Variants in GRIK2 observed in about 807,000 individuals in gnomAD.
The protein encoded by GRIK2 is glutamate ionotropic receptor kainate type subunit 2.
GRIK2 carries 32 observed loss-of-function variants against 100.3 expected under a neutral mutation model. The ratio of observed to expected loss-of-function variants is 0.32; its 90% confidence interval spans 0.24 to 0.43. The LOEUF (loss-of-function observed/expected upper bound fraction) is 0.43, where lower values mean the gene tolerates loss of function less well. Ranked by LOEUF, GRIK2 falls within the 20% of genes least tolerant of loss-of-function variation. The pLI, the probability that GRIK2 is intolerant of heterozygous loss-of-function variation, is 1.00. For synonymous variants in GRIK2, 417 were observed against 389.4 expected (o/e 1.07, Z -0.83); for missense variants, 843 against 1,114.9 (o/e 0.76, Z 3.47).
intron 11 of GRIK2, among the ~76,000 whole-genome samples, chr6:101,875,140 G>A (rs1785734216): frequency 6.6e-6 from 1 of 152,058 alleles, no homozygotes; most frequent in African/African-American, 2.4e-5. Context: ...ATGTTGAATA[G>A]GAGTGGTGAG....
At chr6:101,732,805 T>G (rs1775367816) in intron 7 of GRIK2, among the ~76,000 whole-genome samples, 1 of 152,020 alleles carries the variant, frequency 6.6e-6, no homozygotes, top group African/African-American at 2.4e-5. Context: ...TGATCTGCCC[T>G]ATGCAGACTC....
intron 7 of GRIK2, among the ~76,000 whole-genome samples, chr6:101,749,825 TTG>T (rs199682657): frequency 7.2e-6 from 1 of 138,024 alleles, no homozygotes; most frequent in Non-Finnish European, 1.5e-5. Flanking sequence ...TTTTTTTTTT[TTG>T]TGTGAGACAG....
chr6:101,659,691 G>A (rs1769464736), intron 4 of GRIK2, among the ~76,000 whole-genome samples: 2 of 152,106 alleles, frequency 1.3e-5, no homozygotes, highest in African/African-American at 4.8e-5. Flanking sequence ...CTCAGCATTT[G>A]CTTGTCTGTA....
At chr6:101,741,571 T>A (rs1346931230) in intron 7 of GRIK2, among the ~76,000 whole-genome samples, 1 of 152,166 alleles carries the variant, frequency 6.6e-6, no homozygotes, top group Admixed American at 6.5e-5. Flanking sequence ...TAAAAGGGCA[T>A]CAGTGGAAAC....
At chr6:102,022,872 A>G (rs1401916035) in intron 14 of GRIK2, among the ~76,000 whole-genome samples, 1 of 151,602 alleles carries the variant, frequency 6.6e-6, no homozygotes, top group Non-Finnish European at 1.5e-5. Context: ...ATAGAGAGCC[A>G]TGTTTTCTAT....
In GRIK2 at chr6:101,899,232, G is replaced by T. The variant is rs373875705; in HGVS notation, c.1748+9369G>T. 4.0e-4 allele frequency among the ~76,000 whole-genome samples: 60 copies of T among 151,344 alleles called. No homozygotes were observed. The East Asian group carries it at 0.011, about 28-fold the overall frequency. On this transcript the variant is annotated intron_variant, in intron 12 of 16. Transcript: ENST00000369134. ...TATAATTAGTAAAACAAATGACCATGCAAACTATTCTATTAACTTTTAATA... is the reference window on the plus strand; with the variant it reads ...TATAATTAGTAAAACAAATGACCATTCAAACTATTCTATTAACTTTTAATA...
intron 11 of GRIK2, among the ~76,000 whole-genome samples, chr6:101,864,105 CCGCAG>C: frequency 6.7e-6 from 1 of 149,650 alleles, no homozygotes; most frequent in African/African-American, 2.5e-5. Flanking sequence ...CCACTGCAGT[CCGCAG>C]TCCGGCCTGG....
chr6:101,848,210 C>T (rs1783918266), intron 10 of GRIK2, among the ~76,000 whole-genome samples: 1 of 152,112 alleles, frequency 6.6e-6, no homozygotes, highest in African/African-American at 2.4e-5. Context: ...CCACAGAGCT[C>T]TCCAACCAAG....
At chr6:101,416,542 T>C (rs1245346834) in intron 2 of GRIK2, among the ~76,000 whole-genome samples, 2 of 152,184 alleles carry the variant, frequency 1.3e-5, no homozygotes, top group African/African-American at 4.8e-5. Flanking sequence ...TTATTTTCTT[T>C]AGGGAAATGA....
intron 7 of GRIK2, among the ~76,000 whole-genome samples, chr6:101,706,241 A>C (rs1473088162): frequency 1.3e-5 from 2 of 151,942 alleles, no homozygotes; most frequent in African/African-American, 4.8e-5. Flanking sequence ...TAGTTTAAAA[A>C]AATTAAACCT....
chr6:101,966,215 T>A (rs962891521), intron 14 of GRIK2, among the ~76,000 whole-genome samples: 1 of 152,156 alleles, frequency 6.6e-6, no homozygotes, highest in Non-Finnish European at 1.5e-5. Context: ...TACTTTGTAT[T>A]TTAACAAATT....
intron 9 of GRIK2, among the ~76,000 whole-genome samples, chr6:101,811,255 G>A (rs192967768): frequency 1.3e-5 from 2 of 152,154 alleles, no homozygotes; most frequent in African/African-American, 2.4e-5. Context: ...TCATCACACA[G>A]GATCTCTGTG....
chr6:102,042,265 C>T (rs2782917), intron 15 of GRIK2, among the ~76,000 whole-genome samples: 41,855 of 151,284 alleles, frequency 0.28, 5,885 homozygotes, highest in East Asian at 0.31. Context: ...AAATCATCTC[C>T]AAAGGCCTGT....
chr6:101,615,009 G>C (rs1779829905), intron 2 of GRIK2, among the ~76,000 whole-genome samples: 1 of 151,732 alleles, frequency 6.6e-6, no homozygotes, highest in Non-Finnish European at 1.5e-5. Flanking sequence ...TTGTGAGTCA[G>C]AGACTGTGAT....
chr6:101,800,949 GT>G (rs1780633194), intron 8 of GRIK2, among the ~76,000 whole-genome samples: 2 of 152,068 alleles, frequency 1.3e-5, no homozygotes, highest in African/African-American at 4.8e-5. Context: ...ATCACACAGT[GT>G]CCCCCTTATG....
At chr6:101,603,010 G>C (rs968497551) in intron 2 of GRIK2, among the ~76,000 whole-genome samples, 1 of 151,544 alleles carries the variant, frequency 6.6e-6, no homozygotes, top group African/African-American at 2.4e-5. Context: ...CCTACTTCTT[G>C]TTGACTACAT....
chr6:101,730,969 C>G (rs988251707), intron 7 of GRIK2, among the ~76,000 whole-genome samples: 1 of 151,794 alleles, frequency 6.6e-6, no homozygotes, highest in Admixed American at 6.6e-5. Context: ...GAATGTTAGT[C>G]GTCAAAGTGA....
chr6:101,766,845 T>A (rs1313585477), intron 7 of GRIK2, among the ~76,000 whole-genome samples: 1 of 152,248 alleles, frequency 6.6e-6, no homozygotes, highest in Non-Finnish European at 1.5e-5. Context: ...TACTACTTGA[T>A]TAACCACATT....
chr6:101,592,158 G>T (rs1778678372), intron 2 of GRIK2, among the ~76,000 whole-genome samples: 1 of 151,962 alleles, frequency 6.6e-6, no homozygotes, highest in South Asian at 2.1e-4. Flanking sequence ...TGTACAGCCT[G>T]CAGAACCATG....
Sources: gnomAD v4.1 joint callset for allele counts (sites outside exome capture counted in the v4.1 genomes callset) on GRCh38, gnomAD v4.1.1 for gene constraint, MANE v1.5 for transcripts, NCBI Gene and HGNC (gene_info 2026-07-23, HGNC 2026-07-21) for gene names.